CCDC192: variants seen among roughly 807,000 people sequenced by gnomAD.
CCDC192 encodes coiled-coil domain containing 192.
intron 6 of CCDC192, among the ~76,000 whole-genome samples, chr5:127,910,648 C>T (rs370877634): frequency 4.4e-4 from 67 of 152,258 alleles, no homozygotes; most frequent in South Asian, 2.3e-3. Flanking sequence ...ATTGTTTCCC[C>T]GCTGCAGTAA....
At chr5:127,841,725 G>A (rs532335948) in intron 5 of CCDC192, among the ~76,000 whole-genome samples, 17 of 152,256 alleles carry the variant, frequency 1.1e-4, no homozygotes, top group African/African-American at 3.6e-4. Context: ...GTTGTCCAAC[G>A]TGTGTATGGG....
intron 5 of CCDC192, among the ~76,000 whole-genome samples, chr5:127,802,889 G>C (rs1757580030): frequency 6.6e-6 from 1 of 152,158 alleles, no homozygotes; most frequent in Non-Finnish European, 1.5e-5. Flanking sequence ...ACAAAGAATT[G>C]TATTCTGTGA....
chr5:127,707,586 T>G, intron 1 of CCDC192, 123 bp from the exon 2 acceptor site: 1 of 383,812 alleles, frequency 2.6e-6, no homozygotes, highest in Non-Finnish European at 4.6e-6. Context: ...GAGGAAATAC[T>G]TTAGAAAATT....
At chr5:127,717,086 A>T (rs1751665996) in intron 2 of CCDC192, among the ~76,000 whole-genome samples, 1 of 152,208 alleles carries the variant, frequency 6.6e-6, no homozygotes, top group African/African-American at 2.4e-5. Flanking sequence ...ATGAATAGAA[A>T]CTGTCATTGT....
intron 5 of CCDC192, among the ~76,000 whole-genome samples, chr5:127,841,394 A>G (rs970149710): frequency 6.6e-6 from 1 of 152,194 alleles, no homozygotes; most frequent in Non-Finnish European, 1.5e-5. Flanking sequence ...GAAGGGAATG[A>G]CTGATGTTCA....
chr5:127,941,398 G>A lies in CCDC192; in HGVS notation c.752G>A (p.Gly251Glu). The change falls in exon 7 of 7, where the codon GGA becomes GAA. Residue 251 changes from glycine (G) to glutamate (E), a missense_variant. Transcript: ENST00000514853. ...CCCCAAGAGGTCAAGGACCCTCCAGGATGTTTACCAGAAGCCCCAGTTTTC... is the reference window on the plus strand; with the variant it reads ...CCCCAAGAGGTCAAGGACCCTCCAGAATGTTTACCAGAAGCCCCAGTTTTC... ...HPPQEVKDPP[G>E]CLPEAPVFST... The A allele has an allele frequency of 2.5e-6, 1 of 399,064 alleles. No homozygotes were observed. The allele number at this position is 399,064 out of a possible 1,614,324, so 24.7% of individuals were successfully genotyped here. A position where few individuals can be genotyped will look rare whatever the true frequency, so the allele number is the denominator to read the frequency against.
intron 6 of CCDC192, chr5:127,940,676 C>G (rs748539116): frequency 6.6e-6 from 1 of 152,120 alleles, no homozygotes; most frequent in Non-Finnish European, 1.5e-5. Flanking sequence ...GTCTCGATCT[C>G]CTGACCTCGT....
chr5:127,817,127 G>A (rs1329633069), intron 5 of CCDC192, among the ~76,000 whole-genome samples: 2 of 152,166 alleles, frequency 1.3e-5, no homozygotes, highest in African/African-American at 2.4e-5. Flanking sequence ...CGGGTGCAAT[G>A]TCACACCTGT....
chr5:127,832,686 A>G (rs1161315741), intron 5 of CCDC192, among the ~76,000 whole-genome samples: 3 of 152,182 alleles, frequency 2.0e-5, no homozygotes. Context: ...ACACACACAC[A>G]TGCATACATG....
At chr5:127,704,761 A>G (rs985941822) in intron 1 of CCDC192, among the ~76,000 whole-genome samples, 16 of 152,086 alleles carry the variant, frequency 1.1e-4, no homozygotes, top group Non-Finnish European at 2.2e-4. Context: ...AAGCAGCTAA[A>G]GAGATAACAT....
intron 2 of CCDC192, among the ~76,000 whole-genome samples, chr5:127,744,731 G>A (rs929523503): frequency 1.6e-4 from 24 of 152,058 alleles, no homozygotes; most frequent in Admixed American, 1.4e-3. Context: ...TCTTTTACTT[G>A]GGTTTTAAAA....
At chr5:127,934,738 A>G (rs777542159) in intron 6 of CCDC192, among the ~76,000 whole-genome samples, 1 of 152,218 alleles carries the variant, frequency 6.6e-6, no homozygotes, top group Non-Finnish European at 1.5e-5. Context: ...GAAAACCTAA[A>G]AAGTTTTGTT....
rs534102690 is a variant in CCDC192 at position 127,890,138 on chromosome 5, C to G, written c.535+14477C>G. ...CTTGTAATCCCAGCACTGTGGTAGG[C>G]CAAGCTGGAGGATGGCTAGAGCCCA... On this transcript the variant is annotated intron_variant, in intron 6 of 6. Transcript: ENST00000514853. Among the ~76,000 whole-genome samples, 3 of 152,102 alleles carry G rather than the reference C, an allele frequency of 2.0e-5. No individual in the cohort carries two copies. The South Asian group carries it at 6.2e-4, about 32-fold the overall frequency.
chr5:127,749,307 G>C, intron 2 of CCDC192, among the ~76,000 whole-genome samples: 1 of 152,136 alleles, frequency 6.6e-6, no homozygotes, highest in Non-Finnish European at 1.5e-5. Flanking sequence ...AATTTATTGA[G>C]AGTTTTTAGC....
intron 6 of CCDC192, among the ~76,000 whole-genome samples, chr5:127,939,268 C>T (rs542626984): frequency 1.1e-3 from 174 of 151,816 alleles, no homozygotes; most frequent in African/African-American, 4.0e-3. Flanking sequence ...CAGGTGTGCA[C>T]CACCACACCT....
At chr5:127,921,973 CT>C (rs1202524184) in intron 6 of CCDC192, among the ~76,000 whole-genome samples, 1 of 152,168 alleles carries the variant, frequency 6.6e-6, no homozygotes, top group Admixed American at 6.5e-5. Flanking sequence ...ATATTTCTTC[CT>C]ATTTTGTTTG....
At chr5:127,887,978 C>T (rs777350802) in intron 6 of CCDC192, among the ~76,000 whole-genome samples, 47 of 152,016 alleles carry the variant, frequency 3.1e-4, no homozygotes, top group Non-Finnish European at 5.4e-4. Flanking sequence ...GCTGGGATTA[C>T]AGGCACGAGC....
At chr5:127,813,497 A>G (rs1402805484) in intron 5 of CCDC192, among the ~76,000 whole-genome samples, 10 of 152,204 alleles carry the variant, frequency 6.6e-5, no homozygotes, top group Non-Finnish European at 1.5e-4. Context: ...TGTTTCAAAT[A>G]TAAATAATTC....
At chr5:127,941,127 C>G (rs949382440) in intron 6 of CCDC192, 55 bp from the exon 7 acceptor site, 1 of 398,880 alleles carries the variant, frequency 2.5e-6, no homozygotes. Flanking sequence ...CTTGCTTTGA[C>G]TTCTGGGAAA....
Sources: gnomAD v4.1 joint callset for allele counts (sites outside exome capture counted in the v4.1 genomes callset) on GRCh38, gnomAD v4.1.1 for gene constraint, MANE v1.5 for transcripts, NCBI Gene and HGNC (gene_info 2026-07-23, HGNC 2026-07-21) for gene names.